The following PPP2R3B variants were observed in gnomAD, a reference collection of about 807,000 sequenced individuals.
PPP2R3B encodes protein phosphatase 2 regulatory subunit B''beta, also known as serine/threonine-protein phosphatase 2A regulatory subunit B'' subunit beta.
PPP2R3B carries 68 observed loss-of-function variants against 72.9 expected under a neutral mutation model. The ratio of observed to expected loss-of-function variants is 0.93; its 90% CI spans 0.77 to 1.14. The LOEUF (loss-of-function observed/expected upper bound fraction) is 1.14. Among genes scored for constraint, PPP2R3B ranks in the 50% most tolerant of loss-of-function variants. PPP2R3B has a pLI of 0.00. For missense variants in PPP2R3B, 1,018 were observed against 842.0 expected (o/e 1.21, Z -2.59); for synonymous variants, 466 against 375.8 (o/e 1.24, Z -2.78).
At chrX:351,046 G>A (rs931198483) in intron 2 of PPP2R3B, among the ~76,000 whole-genome samples, 3 of 152,154 alleles carry the variant, frequency 2.0e-5, no homozygotes, top group East Asian at 3.9e-4. Flanking sequence ...GGGGCTGCGC[G>A]CCACAGCGGG....
chrX:384,787 C>A (rs1277583691), intron 1 of PPP2R3B, among the ~76,000 whole-genome samples: 1 of 151,736 alleles, frequency 6.6e-6, no homozygotes, highest in South Asian at 2.1e-4. Context: ...GAGTTTGAGA[C>A]CAGTCTAGCC....
Position 334,119 on chromosome X carries a change from A to G in PPP2R3B, c.*248T>C. 2.6e-6 allele frequency: 1 copy of G among 384,462 alleles called. No homozygotes were observed. The highest frequency in any genetic ancestry group is 7.9e-5 in the South Asian group (1 of 12,738). 23.8% of individuals were successfully genotyped at this position (384,462 alleles called of 1,614,324 possible). A position where few individuals can be genotyped will look rare whatever the true frequency, so the allele number is the denominator to read the frequency against. ...AACCCAGGCTGGGTCGGGAACGGCA[A>G]GCGCCAGAGGGTGTCCGTGTGGGAA... On this transcript the variant is annotated 3_prime_UTR_variant, in exon 13 of 13. Coordinates refer to ENST00000390665, the MANE Select transcript of PPP2R3B (RefSeq NM_013239.5).
chrX:356,856 A>AGC (rs1569397826), intron 2 of PPP2R3B, among the ~76,000 whole-genome samples: 3,690 of 90,294 alleles, frequency 0.041, 4 homozygotes, highest in Admixed American at 0.066. Context: ...TTGGCCAGCC[A>AGC]CACAGCGAGC....
At chrX:376,951 G>A (rs866699211) in intron 1 of PPP2R3B, among the ~76,000 whole-genome samples, 1 of 27,628 alleles carries the variant, frequency 3.6e-5, no homozygotes. Flanking sequence ...GGGACGGGCC[G>A]TCCACACCCA....
At chrX:342,177 G>A (rs1352141861) in intron 7 of PPP2R3B, 8 of 605,216 alleles carry the variant, frequency 1.3e-5, no homozygotes, top group Admixed American at 2.9e-5. Context: ...CTCCAAGACC[G>A]ACTTGTAAAG....
At chrX:345,193 C>G (rs1465035252) in intron 7 of PPP2R3B, 4 of 591,328 alleles carry the variant, frequency 6.8e-6, no homozygotes, top group East Asian at 7.4e-5. Context: ...GTGGCCTGCC[C>G]GCCCTTGCTC....
chrX:341,651 C>A, intron 8 of PPP2R3B: 3 of 649,980 alleles, frequency 4.6e-6, no homozygotes, highest in Non-Finnish European at 8.1e-6. Flanking sequence ...CGACAAGAAC[C>A]CCCGACCTGG....
chrX:334,566 C>T, intron 12 of PPP2R3B, 49 bp from the exon 13 acceptor site: 1 of 1,416,458 alleles, frequency 7.1e-7, no homozygotes, highest in South Asian at 1.5e-5. Context: ...GGAGCAGGCC[C>T]TGGGCCGTTT....
chrX:386,802 G>A lies in PPP2R3B; in HGVS notation c.-111C>T, dbSNP rs2072268145. 5 of 597,932 alleles carry A rather than the reference G, an allele frequency of 8.4e-6. No individual in the cohort carries two copies. Among genetic ancestry groups the A allele is most frequent in the Non-Finnish European group, 1.1e-5 (5 of 441,090 alleles). 37.0% of individuals were successfully genotyped at this position (597,932 alleles called of 1,614,324 possible). ...GATGCGAGCACGGCCCGCTGAGGGG[G>A]CGCGGCGCAGGGAACAGGGCCCGCG... is the stretch of plus-strand genomic sequence containing the variant. On this transcript the variant is annotated 5_prime_UTR_variant, in exon 1 of 13. Coordinates refer to ENST00000390665, the MANE Select transcript of PPP2R3B (RefSeq NM_013239.5).
rs780620259 is a variant in PPP2R3B at position 334,391 on chromosome X, C to T, written c.1704G>A (p.Gly568=). 2.5e-5 allele frequency: 39 copies of T among 1,533,604 alleles called. No individual in the cohort carries two copies. The highest frequency in any genetic ancestry group is 3.2e-5 in the Non-Finnish European group (37 of 1,146,942). The allele number at this position is 1,533,604 out of a possible 1,614,324, so 95.0% of individuals were successfully genotyped here. The change falls in exon 13 of 13, where the codon GGG becomes GGA. Residue 568 remains glycine (G), a synonymous_variant. Coordinates refer to ENST00000390665, the MANE Select transcript of PPP2R3B (RefSeq NM_013239.5). ...GAVDLYEYAC[G]DEDLEPL ...GTCACAGCGGCTCCAGGTCCTCGTC[C>T]CCGCATGCGTACTCGTACAGGTCCA...
intron 3 of PPP2R3B, 82 bp from the exon 4 acceptor site, chrX:347,418 G>T: frequency 7.2e-7 from 1 of 1,390,198 alleles, no homozygotes; most frequent in Non-Finnish European, 1.0e-6. Flanking sequence ...ACACGTGTGT[G>T]GTGTTCCACG....
Position 381,780 on chromosome X carries a change from A to G in PPP2R3B, c.324+4588T>C, listed in dbSNP as rs2072131611. Among the ~76,000 whole-genome samples, 4 of 151,840 alleles carry G rather than the reference A, an allele frequency of 2.6e-5. No individual in the cohort carries two copies. The South Asian group carries it at 8.3e-4, about 32-fold the overall frequency. On this transcript the variant is annotated intron_variant, in intron 1 of 12. Transcript: ENST00000390665. Reference sequence around the variant, plus strand: ...CGCCCGGCTAATTTTCTGTATCTTTAGTAGAGACAGGGTTTCACTGTGTTA... The same window carrying G: ...CGCCCGGCTAATTTTCTGTATCTTTGGTAGAGACAGGGTTTCACTGTGTTA...
chrX:372,798 A>T (rs1188475400), intron 1 of PPP2R3B, among the ~76,000 whole-genome samples: 2 of 152,122 alleles, frequency 1.3e-5, no homozygotes, highest in Non-Finnish European at 2.9e-5. Flanking sequence ...TCCCTACTAA[A>T]AATGCAAAAA....
chrX:338,627 A>ATG lies in PPP2R3B; in HGVS notation c.1553_1554insCA (p.Ala519MetfsTer21), dbSNP rs2070959465. The ATG allele has an allele frequency of 3.1e-6, 5 of 1,607,956 alleles. No individual in the cohort carries two copies. The highest frequency in any genetic ancestry group is 4.2e-6 in the Non-Finnish European group (5 of 1,178,396). ...ACCCGTCCTCCCAGGGCTCTCCCGC[A>ATG]GTCTCCTCGGCCACCAGGATGTCGT... On this transcript the variant is annotated frameshift_variant, in exon 12 of 13. Coordinates refer to ENST00000390665, the MANE Select transcript of PPP2R3B (RefSeq NM_013239.5). LOFTEE classifies it high-confidence loss of function.
At chrX:339,013 T>A in intron 10 of PPP2R3B, 117 bp from the exon 11 acceptor site, 3 of 839,704 alleles carry the variant, frequency 3.6e-6, no homozygotes, top group Non-Finnish European at 6.1e-6. Flanking sequence ...AGCTCCGGGC[T>A]CTCACGCCAC....
intron 2 of PPP2R3B, among the ~76,000 whole-genome samples, chrX:354,439 G>C (rs1166602938): frequency 6.6e-6 from 1 of 152,288 alleles, no homozygotes; most frequent in East Asian, 1.9e-4. Flanking sequence ...TCAGACGTCA[G>C]TCAGGTCCAT....
chrX:375,042 T>C (rs2071959427), intron 1 of PPP2R3B, among the ~76,000 whole-genome samples: 1 of 152,100 alleles, frequency 6.6e-6, no homozygotes, highest in Non-Finnish European at 1.5e-5. Flanking sequence ...ACACCACCTC[T>C]GACGCCCACC....
chrX:383,837 CAAAAAAAAAAAAA>C (rs757960788), intron 1 of PPP2R3B, among the ~76,000 whole-genome samples: 9,603 of 45,712 alleles, frequency 0.21, 390 homozygotes, highest in Middle Eastern at 0.42. Context: ...GACTCCGTCT[CAAAAAAAAAAAAA>C]AAAAAAAAAA....
chrX:369,709 G>A (rs931737381), intron 1 of PPP2R3B, among the ~76,000 whole-genome samples: 22 of 152,250 alleles, frequency 1.4e-4, no homozygotes, highest in Non-Finnish European at 3.2e-4. Flanking sequence ...GCGGTGACCA[G>A]CAGAAATGAC....
Sources: gnomAD v4.1 joint callset for allele counts (sites outside exome capture counted in the v4.1 genomes callset) on GRCh38, gnomAD v4.1.1 for gene constraint, MANE v1.5 for transcripts, NCBI Gene and HGNC (gene_info 2026-07-23, HGNC 2026-07-21) for gene names.